NEURL1B: variants seen among roughly 807,000 people sequenced by gnomAD.
The protein encoded by NEURL1B is E3 ubiquitin-protein ligase NEURL1B.
NEURL1B carries 13 observed loss-of-function variants against 37.4 expected under a neutral mutation model. That is an observed-to-expected ratio of 0.35 (90% CI 0.23 to 0.55). NEURL1B has a LOEUF of 0.55. Ranked by LOEUF, NEURL1B falls within the 20% of genes least tolerant of loss-of-function variation. The pLI, the probability that NEURL1B is intolerant of heterozygous loss-of-function variation, is 0.89. For missense variants in NEURL1B, 790 were observed against 879.2 expected, an observed-to-expected ratio of 0.90 and a Z score of 1.28; for synonymous variants, 432 against 426.6, an observed-to-expected ratio of 1.01 and a Z score of -0.16.
rs529003057 is a variant in NEURL1B, at chr5:172,688,725, C to T, written c.*1800C>T. 1 of 152,344 alleles carries T rather than the reference C, an allele frequency of 6.6e-6. No homozygotes were observed. Among genetic ancestry groups the T allele is most frequent in the South Asian group, 2.1e-4 (1 of 4,822 alleles). The allele number at this position is 152,344 out of a possible 1,614,324, so 9.4% of individuals were successfully genotyped here. ...GGGAAATTCCCACATTTTAATTTTG[C>T]AGCAGAATCTTTTGAGCAGCTTTTG... is the stretch of plus-strand genomic sequence containing the variant. On this transcript the variant is annotated 3_prime_UTR_variant, in exon 5 of 5. Coordinates refer to ENST00000369800, the MANE Select transcript of NEURL1B (RefSeq NM_001142651.3). The surrounding 1 kb of genome is among the most constrained non-coding windows in gnomAD (Gnocchi z 4.3).
intron 1 of NEURL1B, chr5:172,662,250 CA>C (rs1484589847): frequency 6.5e-6 from 1 of 154,124 alleles, no homozygotes; most frequent in African/African-American, 2.4e-5. Context: ...GGGGCTGGGG[CA>C]GGGGGAACAG....
In NEURL1B at chr5:172,683,970, G is replaced by A. The variant is rs1420440418; in HGVS notation, c.1129G>A (p.Val377Met). The change falls in exon 3 of 5, where the codon GTG (valine) becomes ATG (methionine). Residue 377 changes from valine (V) to methionine (M), a missense_variant. Val to Met is a conservative substitution (Grantham distance 21). Transcript: ENST00000369800. The surrounding 1 kb of genome is among the most constrained non-coding windows in gnomAD (Gnocchi z 5.6). Reference protein sequence around the residue: ...EYWVVARAGPVPSGGDALSFT... With the variant: ...EYWVVARAGPMPSGGDALSFT... The stretch of plus-strand genomic sequence containing the variant: ...CTGGGTGGTGGCGCGCGCCGGGCCC[G>A]TGCCGAGCGGCGGCGACGCGCTCAG... 1 of 1,321,396 alleles carries A rather than the reference G, an allele frequency of 7.6e-7. No homozygotes were observed. Among genetic ancestry groups the A allele is most frequent in the East Asian group, 3.4e-5 (1 of 29,524 alleles). 81.9% of individuals were successfully genotyped at this position (1,321,396 alleles called of 1,614,324 possible).
At chr5:172,653,312 C>T (rs1757703158) in intron 1 of NEURL1B, among the ~76,000 whole-genome samples, 1 of 152,108 alleles carries the variant, frequency 6.6e-6, no homozygotes, top group Non-Finnish European at 1.5e-5. Context: ...ATCCAAACAC[C>T]ATTTTATATT....
At chr5:172,658,955 G>A (rs184294804) in intron 1 of NEURL1B, among the ~76,000 whole-genome samples, 39 of 151,416 alleles carry the variant, frequency 2.6e-4, no homozygotes, top group East Asian at 5.9e-4. Context: ...CTTATTGTTC[G>A]TCCCCAAGTT....
At chr5:172,671,666 A>C (rs1370290695) in intron 2 of NEURL1B, among the ~76,000 whole-genome samples, 1 of 152,262 alleles carries the variant, frequency 6.6e-6, no homozygotes, top group Non-Finnish European at 1.5e-5. Flanking sequence ...TATGCTAAGT[A>C]GTAGCCCATG....
intron 1 of NEURL1B, among the ~76,000 whole-genome samples, chr5:172,644,246 A>G (rs1218826737): frequency 1.3e-5 from 2 of 152,162 alleles, no homozygotes; most frequent in African/African-American, 4.8e-5. Flanking sequence ...CAATGTAGGC[A>G]TTATCATCTC....
chr5:172,668,707 C>T (rs987217128), intron 1 of NEURL1B, among the ~76,000 whole-genome samples: 7 of 152,178 alleles, frequency 4.6e-5, no homozygotes, highest in Admixed American at 2.6e-4. Context: ...TTGTACTCAG[C>T]TGCTGTGCGA....
chr5:172,642,552 A>G (rs987073947), intron 1 of NEURL1B, among the ~76,000 whole-genome samples: 7 of 152,244 alleles, frequency 4.6e-5, no homozygotes, highest in Admixed American at 6.5e-5. Flanking sequence ...CATCTCTGCT[A>G]TAACACTCCC....
At chr5:172,649,423 G>A (rs752761794) in intron 1 of NEURL1B, among the ~76,000 whole-genome samples, 2 of 125,050 alleles carry the variant, frequency 1.6e-5, no homozygotes, top group Non-Finnish European at 3.2e-5. Context: ...GTGCAGTGGT[G>A]CAATCTTGGC....
chr5:172,668,331 C>T (rs548843819), intron 1 of NEURL1B, among the ~76,000 whole-genome samples: 25 of 152,238 alleles, frequency 1.6e-4, no homozygotes, highest in African/African-American at 5.8e-4. Context: ...TAATGTGGAA[C>T]CTTGGCTTTT....
intron 1 of NEURL1B, among the ~76,000 whole-genome samples, chr5:172,648,816 C>A (rs771510957): frequency 8.5e-5 from 13 of 152,366 alleles, no homozygotes; most frequent in Non-Finnish European, 1.2e-4. Context: ...CCTCTCCAGG[C>A]AGCCTGTGGG....
At position 172,683,663 on chromosome 5, in the gene NEURL1B, G is replaced by A. The variant is rs745420780; in HGVS notation, c.822G>A (p.Ala274=). 6.2e-6 allele frequency: 8 copies of A among 1,290,424 alleles called. No homozygotes were observed. The highest frequency in any genetic ancestry group is 6.9e-6 in the Non-Finnish European group (7 of 1,011,278). 79.9% of individuals were successfully genotyped at this position (1,290,424 alleles called of 1,614,324 possible). A position where few individuals can be genotyped will look rare whatever the true frequency, so the allele number is the denominator to read the frequency against. The part of the protein sequence containing the change: ...RERPRPASSP[A]LLEADLRFHA... ...GCCCGCGGCCCGCGTCGTCGCCGGC[G>A]CTACTGGAGGCCGACCTGCGCTTCC... Residue 274 remains alanine (A), a synonymous_variant, in exon 3 of 5, where the codon GCG becomes GCA. Transcript: ENST00000369800. The surrounding 1 kb of genome is among the most constrained non-coding windows in gnomAD (Gnocchi z 5.6).
intron 1 of NEURL1B, among the ~76,000 whole-genome samples, chr5:172,658,822 G>A (rs1285461997): frequency 6.6e-6 from 1 of 152,136 alleles, no homozygotes; most frequent in Non-Finnish European, 1.5e-5. Flanking sequence ...ATTGTCCCCT[G>A]GGAGGTCTGC....
In NEURL1B at chr5:172,665,298, C is replaced by T. The variant is rs755486497; in HGVS notation, c.32-4487C>T. Among the ~76,000 whole-genome samples, 9 of 152,214 alleles carry T rather than the reference C, an allele frequency of 5.9e-5. No individual in the cohort carries two copies. Among genetic ancestry groups the T allele is most frequent in the Non-Finnish European group, 1.2e-4 (8 of 68,040 alleles). On this transcript the variant is annotated intron_variant, in intron 1 of 4. Coordinates refer to ENST00000369800, the MANE Select transcript of NEURL1B (RefSeq NM_001142651.3). The surrounding 1 kb of genome is among the most constrained non-coding windows in gnomAD (Gnocchi z 4.1). The stretch of plus-strand genomic sequence containing the variant: ...GTGTCGTGCACAAGGCCACCGTGAG[C>T]GTGGACAGCACAGGCTTCTGCTGTC...
intron 1 of NEURL1B, among the ~76,000 whole-genome samples, chr5:172,651,811 GT>G (rs1331022996): frequency 6.6e-6 from 1 of 152,160 alleles, no homozygotes; most frequent in African/African-American, 2.4e-5. Context: ...AATTGATCTG[GT>G]ATTCCCCATG....
At position 172,686,124 on chromosome 5, in the gene NEURL1B, C is replaced by A; in HGVS notation, c.1298-47C>A. 1 of 1,545,912 alleles carries A rather than the reference C, an allele frequency of 6.5e-7. No homozygotes were observed. The highest frequency in any genetic ancestry group is 1.2e-5 in the South Asian group (1 of 83,180). On this transcript the variant is annotated intron_variant, in intron 3 of 4. Coordinates refer to ENST00000369800, the MANE Select transcript of NEURL1B (RefSeq NM_001142651.3). The surrounding 1 kb of genome is among the most constrained non-coding windows in gnomAD (Gnocchi z 7.9). ...AGTGAAGAACCATGGACTAGCAGGG[C>A]AGGTCCAACCTTCCACTGCCCCTGA... is the stretch of plus-strand genomic sequence containing the variant.
At chr5:172,648,055 C>T (rs1757592327) in intron 1 of NEURL1B, among the ~76,000 whole-genome samples, 1 of 152,212 alleles carries the variant, frequency 6.6e-6, no homozygotes, top group Non-Finnish European at 1.5e-5. Flanking sequence ...CGCGTCTGTC[C>T]TGCAGGTGAG....
In NEURL1B at chr5:172,641,280, C is replaced by T. The variant is rs1024077731; in HGVS notation, c.-127C>T. ...TCCCGGCTCCCGCCCCAGCTGCCGC[C>T]CGCCGGCTCGCCCGTGCAGCTGCGA... On this transcript the variant is annotated 5_prime_UTR_variant, in exon 1 of 5. Coordinates refer to ENST00000369800, the MANE Select transcript of NEURL1B (RefSeq NM_001142651.3). This position sits in a 1 kb window ranked among gnomAD's most constrained non-coding sequence, Gnocchi z 6.4. The T allele has an allele frequency of 3.4e-6, 3 of 870,790 alleles. No individual in the cohort carries two copies. Among genetic ancestry groups the T allele is most frequent in the Non-Finnish European group, 4.5e-6 (3 of 669,638 alleles). 53.9% of individuals were successfully genotyped at this position (870,790 alleles called of 1,614,324 possible).
chr5:172,684,596 A>T (rs1758446965), intron 3 of NEURL1B, among the ~76,000 whole-genome samples: 1 of 152,122 alleles, frequency 6.6e-6, no homozygotes, highest in Non-Finnish European at 1.5e-5. Context: ...TCGACTGCAC[A>T]TGAAAGAGGA....
Sources: allele counts gnomAD v4.1 joint callset (sites outside exome capture counted in the v4.1 genomes callset), GRCh38; gene constraint gnomAD v4.1.1; non-coding constraint Gnocchi (gnomAD v3.1); transcripts MANE v1.5; gene names NCBI Gene and HGNC (gene_info 2026-07-23, HGNC 2026-07-21).